Variants in CDH11 observed in about 807,000 individuals in gnomAD.
The protein encoded by CDH11 is cadherin-11.
A neutral mutation model predicts 67.8 loss-of-function variants in CDH11; 11 were observed. That is an observed-to-expected ratio of 0.16 (90% CI 0.10 to 0.27). CDH11 has a LOEUF of 0.27. Among genes scored for constraint, CDH11 ranks in the 10% least tolerant of loss-of-function variants. The pLI is 1.00. For synonymous variants in CDH11, 419 were observed against 400.0 expected, an observed-to-expected ratio of 1.05 and a Z score of -0.57; for missense variants, 847 against 1,031.2, an observed-to-expected ratio of 0.82 and a Z score of 2.45.
At chr16:64,998,943 GCA>G in intron 3 of CDH11, 87 bp from the exon 4 acceptor site, 11 of 977,208 alleles carry the variant, frequency 1.1e-5, no homozygotes, top group Admixed American at 2.1e-5. Context: ...AATCTGCTGC[GCA>G]CACACACACG....
At chr16:65,083,487 T>A (rs2074645943) in intron 1 of CDH11, among the ~76,000 whole-genome samples, 1 of 152,092 alleles carries the variant, frequency 6.6e-6, no homozygotes, top group Non-Finnish European at 1.5e-5. Flanking sequence ...CTGAGAAGGG[T>A]GTGTCCAAAT....
intron 6 of CDH11, among the ~76,000 whole-genome samples, chr16:64,988,906 A>G (rs567233268): frequency 6.6e-6 from 1 of 152,218 alleles, no homozygotes; most frequent in Admixed American, 6.5e-5. Flanking sequence ...CAAGTTGGTC[A>G]TGCGTTACCT....
intron 11 of CDH11, among the ~76,000 whole-genome samples, chr16:64,964,434 G>A (rs931437108): frequency 1.3e-5 from 2 of 152,168 alleles, no homozygotes; most frequent in East Asian, 3.9e-4. Flanking sequence ...TGCCTGTATA[G>A]GGTACTTAGC....
At chr16:65,074,631 A>G (rs1332752199) in intron 1 of CDH11, among the ~76,000 whole-genome samples, 1 of 152,070 alleles carries the variant, frequency 6.6e-6, no homozygotes, top group Admixed American at 6.6e-5. Flanking sequence ...AATTTTCCCT[A>G]TTTCCAAGCC....
At chr16:65,051,200 A>C (rs2074050333) in intron 2 of CDH11, among the ~76,000 whole-genome samples, 1 of 152,208 alleles carries the variant, frequency 6.6e-6, no homozygotes, top group Non-Finnish European at 1.5e-5. Context: ...CTTAACAAAC[A>C]TTGACCAGAC....
At chr16:64,982,006 T>G (rs765056179) in intron 8 of CDH11, 42 bp downstream of exon 8, 3 of 1,547,898 alleles carry the variant, frequency 1.9e-6, no homozygotes, top group Admixed American at 2.0e-5. Flanking sequence ...CTCTTGACTC[T>G]AAAATTCCCC....
At chr16:65,038,226 T>C (rs2073792521) in intron 2 of CDH11, among the ~76,000 whole-genome samples, 3 of 152,108 alleles carry the variant, frequency 2.0e-5, no homozygotes, top group Admixed American at 6.6e-5. Flanking sequence ...AGCAGAGCTT[T>C]TGTTTTGATC....
chr16:64,968,409 G>T (rs1167602405), intron 11 of CDH11: 2 of 983,826 alleles, frequency 2.0e-6, no homozygotes, highest in Non-Finnish European at 2.4e-6. Context: ...CACATGCCTG[G>T]TATTTTCAAA....
At chr16:65,097,257 CCTGGATTCCCAA>C (rs1487224656) in intron 1 of CDH11, among the ~76,000 whole-genome samples, 1 of 152,204 alleles carries the variant, frequency 6.6e-6, no homozygotes, top group African/African-American at 2.4e-5. Context: ...TGCATGGGGA[CCTGGATTCCCAA>C]CTGGGTCATG....
At chr16:64,960,141 T>C (rs918020722) in intron 11 of CDH11, among the ~76,000 whole-genome samples, 4 of 152,150 alleles carry the variant, frequency 2.6e-5, no homozygotes, top group African/African-American at 9.7e-5. Context: ...GTCTCCAATA[T>C]AATTTTGTGG....
intron 11 of CDH11, among the ~76,000 whole-genome samples, chr16:64,962,641 A>C (rs2071703972): frequency 6.6e-6 from 1 of 152,232 alleles, no homozygotes; most frequent in East Asian, 1.9e-4. Context: ...TGGTTCTCAC[A>C]GTGAATATTA....
At chr16:65,123,166 G>A (rs2075364575), upstream of CDH11, among the ~76,000 whole-genome samples, 1 of 152,112 alleles carries the variant, frequency 6.6e-6, no homozygotes, top group African/African-American at 2.4e-5. Context: ...TACCGGGAAC[G>A]GCGTGGGGAT....
intron 11 of CDH11, among the ~76,000 whole-genome samples, chr16:64,964,800 G>A (rs1282054120): frequency 1.1e-4 from 16 of 151,946 alleles, no homozygotes; most frequent in African/African-American, 3.9e-4. Context: ...CACCCGCCTC[G>A]GCCTCCCAGA....
At chr16:64,955,175 G>A (rs2071475259) in intron 11 of CDH11, among the ~76,000 whole-genome samples, 2 of 152,122 alleles carry the variant, frequency 1.3e-5, no homozygotes, top group South Asian at 4.1e-4. Context: ...GAACCCGGGA[G>A]GCAGAGCTTG....
intron 12 of CDH11, among the ~76,000 whole-genome samples, chr16:64,949,006 G>A (rs1019842014): frequency 3.9e-5 from 6 of 152,254 alleles, no homozygotes; most frequent in Non-Finnish European, 7.3e-5. Context: ...ATGAGAGATT[G>A]TACTTGCCCT....
Position 64,950,748 on chromosome 16 carries a change from G to T in CDH11, c.1894+19C>A. ...CGGTTGCCTGGCCCTTCCTGCAGGG[G>T]ACCAGGAAGCGCCCTTACCCAGGAG... On this transcript the variant is annotated intron_variant, in intron 12 of 12. Coordinates refer to ENST00000268603, the MANE Select transcript of CDH11 (RefSeq NM_001797.4). 1.9e-6 allele frequency: 3 copies of T among 1,609,476 alleles called. No individual in the cohort carries two copies. Among genetic ancestry groups the T allele is most frequent in the Non-Finnish European group, 2.5e-6 (3 of 1,176,518 alleles).
chr16:65,112,199 T>C (rs537937236), intron 1 of CDH11, among the ~76,000 whole-genome samples: 1 of 152,242 alleles, frequency 6.6e-6, no homozygotes, highest in South Asian at 2.1e-4. Context: ...AGGAAGCATT[T>C]CCAACAGTGA....
At chr16:64,995,507 C>T (rs2072741234) in intron 4 of CDH11, among the ~76,000 whole-genome samples, 1 of 152,172 alleles carries the variant, frequency 6.6e-6, no homozygotes, top group African/African-American at 2.4e-5. Flanking sequence ...ACTCCTTAAT[C>T]AATAAATAAT....
rs751824771 is a variant in CDH11 at position 64,971,709 on chromosome 16, G to A, written c.1525-13C>T. 1 of 1,570,450 alleles carries A rather than the reference G, an allele frequency of 6.4e-7. No homozygotes were observed. Among genetic ancestry groups the A allele is most frequent in the South Asian group, 1.1e-5 (1 of 89,490 alleles). On this transcript the variant is annotated splice_polypyrimidine_tract_variant and intron_variant, in intron 10 of 12. Coordinates refer to ENST00000268603, the MANE Select transcript of CDH11 (RefSeq NM_001797.4). ...TTGTAACAATTGGCTGAAAGAGAAA[G>A]GTGGCCCATAAATAAATCATGCTGA...
Sources: gnomAD v4.1 joint callset for allele counts (sites outside exome capture counted in the v4.1 genomes callset) on GRCh38, gnomAD v4.1.1 for gene constraint, MANE v1.5 for transcripts, NCBI Gene and HGNC (gene_info 2026-07-23, HGNC 2026-07-21) for gene names.